Variants in PDE2A observed in about 807,000 individuals in gnomAD.
The protein encoded by PDE2A is phosphodiesterase 2A.
A neutral mutation model predicts 133.6 loss-of-function variants in PDE2A; 53 were observed. That is an observed-to-expected ratio of 0.40 (90% CI 0.32 to 0.50). The LOEUF (loss-of-function observed/expected upper bound fraction) is 0.50. PDE2A is among the 20% of genes least tolerant of loss of function. The pLI is 0.73. For missense variants in PDE2A, 796 were observed against 1,232.4 expected (o/e 0.65, Z 5.30); for synonymous variants, 491 against 490.2 (o/e 1.00, Z -0.02).
chr11:72,601,385 C>T (rs1834738137), intron 4 of PDE2A, among the ~76,000 whole-genome samples: 1 of 145,862 alleles, frequency 6.9e-6, no homozygotes, highest in South Asian at 2.3e-4. Context: ...CCTCTTCTTG[C>T]CCTCCTTCCC....
intron 2 of PDE2A, among the ~76,000 whole-genome samples, chr11:72,639,294 A>C (rs1164534734): frequency 6.6e-6 from 1 of 152,214 alleles, no homozygotes; most frequent in Admixed American, 6.5e-5. Context: ...GAGTGAACAC[A>C]AATAGAACTA....
intron 2 of PDE2A, among the ~76,000 whole-genome samples, chr11:72,625,402 A>G (rs564380767): frequency 1.3e-5 from 2 of 152,228 alleles, no homozygotes; most frequent in Non-Finnish European, 2.9e-5. Flanking sequence ...CAACTGAACA[A>G]CTGTGGACAG....
intron 1 of PDE2A, among the ~76,000 whole-genome samples, chr11:72,665,480 T>C (rs1474655373): frequency 1.3e-5 from 2 of 151,620 alleles, no homozygotes; most frequent in Non-Finnish European, 2.9e-5. Flanking sequence ...GGGATCTCTC[T>C]GCTTCCAGGT....
chr11:72,584,822 C>G, intron 17 of PDE2A, 50 bp downstream of exon 17: 2 of 1,608,836 alleles, frequency 1.2e-6, no homozygotes, highest in Non-Finnish European at 8.5e-7. Flanking sequence ...GCGCCGCCGG[C>G]GGACTCCCGG....
At chr11:72,639,032 C>A (rs1421044139) in intron 2 of PDE2A, among the ~76,000 whole-genome samples, 7 of 152,210 alleles carry the variant, frequency 4.6e-5, no homozygotes, top group Non-Finnish European at 1.0e-4. Context: ...CGGCATCGAC[C>A]CCAGCCCCTT....
intron 6 of PDE2A, 114 bp from the exon 7 acceptor site, chr11:72,591,470 G>T (rs371003037): frequency 1.3e-5 from 10 of 760,188 alleles, no homozygotes; most frequent in African/African-American, 5.1e-5. Context: ...ACACACTCCA[G>T]TCTGTGGGCC....
chr11:72,623,506 C>G (rs1280681496), intron 2 of PDE2A, among the ~76,000 whole-genome samples: 8 of 152,112 alleles, frequency 5.3e-5, no homozygotes, highest in African/African-American at 1.9e-4. Flanking sequence ...TTAACAAACC[C>G]CCCATGCCTG....
intron 11 of PDE2A, 93 bp downstream of exon 11, chr11:72,589,658 G>T: frequency 9.3e-7 from 1 of 1,072,910 alleles, no homozygotes. Context: ...CAAGAGTCTA[G>T]AAGATCCAAA....
At chr11:72,585,639 G>T in intron 14 of PDE2A, 46 bp from the exon 15 acceptor site, 1 of 1,583,100 alleles carries the variant, frequency 6.3e-7, no homozygotes, top group Non-Finnish European at 8.6e-7. Context: ...GGGTGTAGGG[G>T]TCACCCTATC....
intron 2 of PDE2A, among the ~76,000 whole-genome samples, chr11:72,617,857 G>T (rs1177191344): frequency 6.6e-6 from 1 of 152,198 alleles, no homozygotes; most frequent in Admixed American, 6.5e-5. Flanking sequence ...CTCTGCCCCT[G>T]CAGGAATGTG....
rs1855930590 is a variant in PDE2A at position 72,585,600 on chromosome 11, T to C, written c.1183-7A>G. 1 of 1,613,788 alleles carries C rather than the reference T, an allele frequency of 6.2e-7. No homozygotes were observed. The highest frequency in any genetic ancestry group is 1.7e-4 in the Middle Eastern group (1 of 6,060). On this transcript the variant is annotated splice_polypyrimidine_tract_variant and splice_region_variant and intron_variant, in intron 14 of 30. Coordinates refer to ENST00000334456, the MANE Select transcript of PDE2A (RefSeq NM_002599.5). ...TTGCCACTTGGAGAAGAGCCTGGAA[T>C]GAAGGAAATGGAGATCATAGGGGGG... is the stretch of plus-strand genomic sequence containing the variant.
chr11:72,663,790 G>T (rs1274661359), intron 1 of PDE2A, among the ~76,000 whole-genome samples: 1 of 152,010 alleles, frequency 6.6e-6, no homozygotes, highest in Non-Finnish European at 1.5e-5. Context: ...AGTGTTCAGA[G>T]GCAGAGCCTG....
intron 2 of PDE2A, among the ~76,000 whole-genome samples, chr11:72,619,329 C>T (rs1857630561): frequency 1.3e-5 from 2 of 152,194 alleles, no homozygotes; most frequent in Admixed American, 6.5e-5. Context: ...GCAGAACTCC[C>T]GCTTTGCTGG....
intron 16 of PDE2A, 154 bp from the exon 17 acceptor site, chr11:72,585,098 TC>T: frequency 1.4e-6 from 1 of 696,282 alleles, no homozygotes; most frequent in Non-Finnish European, 2.4e-6. Flanking sequence ...CAGAAACGTG[TC>T]CATTCAAGTG....
chr11:72,668,638 CA>C (rs1169334502), intron 1 of PDE2A, among the ~76,000 whole-genome samples: 2 of 152,262 alleles, frequency 1.3e-5, no homozygotes, highest in Admixed American at 1.3e-4. Flanking sequence ...AGAGGCAGTA[CA>C]AACTATGCTT....
chr11:72,637,260 T>C (rs1379356778), intron 2 of PDE2A, among the ~76,000 whole-genome samples: 1 of 152,116 alleles, frequency 6.6e-6, no homozygotes, highest in Non-Finnish European at 1.5e-5. Flanking sequence ...CCACACACTC[T>C]ACCAACATCA....
intron 1 of PDE2A, chr11:72,643,089 C>T (rs547563942): frequency 1.3e-5 from 2 of 152,944 alleles, no homozygotes; most frequent in South Asian, 4.1e-4. Context: ...GTGCAGGCCC[C>T]AGGGCCACAC....
chr11:72,584,800 G>A lies in PDE2A; in HGVS notation c.1359+72C>T, dbSNP rs1591020395. On this transcript the variant is annotated intron_variant, in intron 17 of 30. Coordinates refer to ENST00000334456, the MANE Select transcript of PDE2A (RefSeq NM_002599.5). Reference sequence around the variant, plus strand: ...CCACAGAGGGGACTGTTAAACCTCGGGCCGCTCCCCAGCGCCGCCGGCGGA... The same window carrying A: ...CCACAGAGGGGACTGTTAAACCTCGAGCCGCTCCCCAGCGCCGCCGGCGGA... 7.5e-6 allele frequency: 12 copies of A among 1,610,130 alleles called. No homozygotes were observed. In the South Asian group the frequency reaches 1.1e-4, roughly 15 times the overall value.
At chr11:72,668,029 G>A (rs1855288348) in intron 1 of PDE2A, among the ~76,000 whole-genome samples, 1 of 152,198 alleles carries the variant, frequency 6.6e-6, no homozygotes, top group Admixed American at 6.5e-5. Flanking sequence ...AATCCATTCA[G>A]CCTAAGCTGC....
Sources: allele counts gnomAD v4.1 joint callset (sites outside exome capture counted in the v4.1 genomes callset), GRCh38; gene constraint gnomAD v4.1.1; transcripts MANE v1.5; gene names NCBI Gene and HGNC (gene_info 2026-07-23, HGNC 2026-07-21).